The following FGF13 variants were observed in gnomAD, a reference collection of about 807,000 sequenced individuals.
FGF13 encodes the protein fibroblast growth factor 13, also known as fibroblast growth factor homologous factor 2.
In FGF13, 2 loss-of-function variants were observed where a neutral mutation model predicts 19.5. The observed-to-expected ratio is 0.10, with a 90% CI of 0.04 to 0.32. The LOEUF (loss-of-function observed/expected upper bound fraction) is 0.32, where lower values mean the gene tolerates loss of function less well. Among genes scored for constraint, FGF13 ranks in the 10% least tolerant of loss-of-function variants. FGF13 has a pLI of 1.00. For synonymous variants in FGF13, 72 were observed against 76.9 expected (o/e 0.94, Z 0.33); for missense variants, 113 against 192.7 (o/e 0.59, Z 2.45).
chrX:138,832,689 G>T, intron 3 of FGF13, among the ~76,000 whole-genome samples: 1 of 111,860 alleles, frequency 8.9e-6, no homozygotes, highest in African/African-American at 3.3e-5. Context: ...GTCAATTTTT[G>T]CTTCTGTCAC....
At chrX:138,968,619 C>A (rs1481108353) in intron 1 of FGF13, among the ~76,000 whole-genome samples, 1 of 111,788 alleles carries the variant, frequency 8.9e-6, no homozygotes, top group African/African-American at 3.3e-5. Flanking sequence ...GAGAATGCCA[C>A]GAGGGAGGGT....
intron 1 of FGF13, among the ~76,000 whole-genome samples, chrX:139,171,064 T>C (rs2084128577): frequency 9.0e-6 from 1 of 111,165 alleles, no homozygotes; most frequent in Admixed American, 9.7e-5. Flanking sequence ...CTGAGTCCCT[T>C]AGCAGGAATA....
At chrX:138,778,682 G>A (rs779669904) in intron 3 of FGF13, among the ~76,000 whole-genome samples, 246 of 111,962 alleles carry the variant, frequency 2.2e-3, no homozygotes, top group African/African-American at 6.6e-3. Context: ...ACGGAGTCTC[G>A]CTGATTGCTA....
intron 1 of FGF13, among the ~76,000 whole-genome samples, chrX:139,146,196 G>A (rs1184188446): frequency 9.0e-6 from 1 of 111,649 alleles, no homozygotes; most frequent in African/African-American, 3.3e-5. Flanking sequence ...TACAGAATGG[G>A]AGAAAATTTT....
At chrX:139,054,572 T>C (rs2092314665) in intron 1 of FGF13, among the ~76,000 whole-genome samples, 2 of 111,589 alleles carry the variant, frequency 1.8e-5, no homozygotes, top group Non-Finnish European at 3.8e-5. Context: ...TTTGGTCCCA[T>C]ATGAATTTTA....
At chrX:138,748,851 CA>C (rs768091972) in intron 3 of FGF13, among the ~76,000 whole-genome samples, 10 of 111,370 alleles carry the variant, frequency 9.0e-5, no homozygotes, top group African/African-American at 2.6e-4. Context: ...TTCCTTACCA[CA>C]ATAAAAATAT....
At chrX:138,922,415 G>A (rs1033511869) in intron 1 of FGF13, among the ~76,000 whole-genome samples, 7 of 111,572 alleles carry the variant, frequency 6.3e-5, no homozygotes, top group South Asian at 3.8e-4. Flanking sequence ...GGCTCTGCAC[G>A]CCTCAATCTG....
intron 1 of FGF13, among the ~76,000 whole-genome samples, chrX:139,190,612 C>A (rs1411995266): frequency 9.0e-6 from 1 of 111,136 alleles, no homozygotes; most frequent in African/African-American, 3.3e-5. Flanking sequence ...GATGAAGGTC[C>A]CTTCCAGCCA....
At position 138,625,516 on chromosome X, in the gene FGF13, A is replaced by T. The variant is rs1394141122; in HGVS notation, c.*7334T>A. On this transcript the variant is annotated 3_prime_UTR_variant, in exon 5 of 5. Coordinates refer to ENST00000315930, the MANE Select transcript of FGF13 (RefSeq NM_004114.5). ...ATATATACATATATATATATAATAT[A>T]ATATATATATATATCTTAGCCATAT... The T allele has an allele frequency of 1.2e-4, 10 of 84,686 alleles. No homozygotes were observed. Among genetic ancestry groups the T allele is most frequent in the Non-Finnish European group, 1.0e-4 (5 of 48,716 alleles). The allele number at this position is 84,686 out of a possible 1,213,427, so 7.0% of individuals were successfully genotyped here. A position where few individuals can be genotyped will look rare whatever the true frequency, so the allele number is the denominator to read the frequency against.
chrX:138,688,557 A>AATACATGTAT (rs1274908014), intron 3 of FGF13, among the ~76,000 whole-genome samples: 1 of 111,375 alleles, frequency 9.0e-6, no homozygotes, highest in African/African-American at 3.3e-5. Flanking sequence ...TTACACATTG[A>AATACATGTAT]ATACATGTAT....
At chrX:138,970,823 A>G (rs2091912721) in intron 1 of FGF13, among the ~76,000 whole-genome samples, 1 of 111,381 alleles carries the variant, frequency 9.0e-6, no homozygotes, top group Non-Finnish European at 1.9e-5. Flanking sequence ...CAAGAAATAA[A>G]ATGATTTTAG....
intron 3 of FGF13, among the ~76,000 whole-genome samples, chrX:138,787,068 C>A (rs1482284947): frequency 8.9e-6 from 1 of 112,659 alleles, no homozygotes; most frequent in African/African-American, 3.2e-5. Flanking sequence ...TTACAATTTG[C>A]AACAGTTTTA....
In FGF13 at chrX:138,736,727, T is replaced by C. The variant is rs892173727; in HGVS notation, c.28+2515A>G. 9.0e-5 allele frequency among the ~76,000 whole-genome samples: 10 copies of C among 110,921 alleles called. No individual in the cohort carries two copies. The South Asian group carries it at 2.7e-3, about 30-fold the overall frequency. ...ACTGTTTTATATATATACACAAATA[T>C]ATATATGTAAATATATTGTTTTCTT... On this transcript the variant is annotated intron_variant, in intron 1 of 4. Coordinates refer to the FGF13 transcript ENST00000305414.
At position 138,632,715 on chromosome X, in the gene FGF13, G is replaced by T; in HGVS notation, c.*135C>A. 1.5e-6 allele frequency: 1 copy of T among 668,881 alleles called. No homozygotes were observed. The highest frequency in any genetic ancestry group is 3.1e-5 in the South Asian group (1 of 32,589). The allele number at this position is 668,881 out of a possible 1,213,427, so 55.1% of individuals were successfully genotyped here. A position where few individuals can be genotyped will look rare whatever the true frequency, so the allele number is the denominator to read the frequency against. On this transcript the variant is annotated 3_prime_UTR_variant, in exon 5 of 5. Coordinates refer to ENST00000315930, the MANE Select transcript of FGF13 (RefSeq NM_004114.5). ...TGATAAGAAGGTCTAATGGCAGATA[G>T]AATAGTGAACTCTGCCTGTTTGTTT...
At chrX:138,985,084 T>A in intron 1 of FGF13, 2 of 369,239 alleles carry the variant, frequency 5.4e-6, no homozygotes, top group Non-Finnish European at 1.1e-5. Context: ...CTTGTCCTCA[T>A]GACACCTCTG....
At chrX:138,854,332 G>A (rs1052258569), downstream of FGF13, among the ~76,000 whole-genome samples, 3 of 111,749 alleles carry the variant, frequency 2.7e-5, no homozygotes, top group Non-Finnish European at 3.8e-5. Flanking sequence ...ACCTGGTATT[G>A]GCAAAGTGTA....
chrX:138,650,838 CACA>C (rs758006829), intron 3 of FGF13, among the ~76,000 whole-genome samples: 4 of 111,596 alleles, frequency 3.6e-5, no homozygotes, highest in African/African-American at 6.5e-5. Context: ...TTTACTGCTG[CACA>C]ACACCAGAAT....
At chrX:138,934,101 C>T (rs1387719184) in intron 1 of FGF13, among the ~76,000 whole-genome samples, 1 of 112,026 alleles carries the variant, frequency 8.9e-6, no homozygotes, top group Non-Finnish European at 1.9e-5. Flanking sequence ...TTTGCTTTAA[C>T]TTTCAAGAGC....
In FGF13 at chrX:138,622,235, C is replaced by A. The variant is rs758206783; in HGVS notation, c.*10615G>T. The A allele has an allele frequency of 9.0e-6, 1 of 111,480 alleles. No homozygotes were observed. The highest frequency in any genetic ancestry group is 1.9e-5 in the Non-Finnish European group (1 of 53,017). The allele number at this position is 111,480 out of a possible 1,213,427, so 9.2% of individuals were successfully genotyped here. The stretch of plus-strand genomic sequence containing the variant: ...AATACTAGCTAAAAGAACTTAACAT[C>A]ACATTAAAAAGATCATTCACCATAA... On this transcript the variant is annotated 3_prime_UTR_variant, in exon 5 of 5. Transcript: ENST00000315930.
Sources: gnomAD v4.1 joint callset for allele counts (sites outside exome capture counted in the v4.1 genomes callset) on GRCh38, gnomAD v4.1.1 for gene constraint, MANE v1.5 for transcripts, NCBI Gene and HGNC (gene_info 2026-07-23, HGNC 2026-07-21) for gene names.